The following AK4 variants were observed in gnomAD, a reference collection of about 807,000 sequenced individuals.
The protein encoded by AK4 is adenylate kinase 4, also known as adenylate kinase 4, mitochondrial.
A neutral mutation model predicts 24.6 loss-of-function variants in AK4; 13 were observed. The observed-to-expected ratio is 0.53, with a 90% confidence interval of 0.34 to 0.84. AK4 has a LOEUF of 0.84. Ranked by LOEUF, AK4 falls within the 40% of genes least tolerant of loss-of-function variation. AK4 has a pLI of 0.01. For synonymous variants in AK4, 88 were observed against 107.0 expected (o/e 0.82, Z 1.10); for missense variants, 192 against 288.2 (o/e 0.67, Z 2.42).
chr1:65,153,903 G>A (rs1649884198), intron 1 of AK4, among the ~76,000 whole-genome samples: 1 of 152,176 alleles, frequency 6.6e-6, no homozygotes, highest in Non-Finnish European at 1.5e-5. Context: ...GTGGCAGTAT[G>A]TTTGGAGCCT....
chr1:65,175,193 C>G (rs773068386), intron 1 of AK4, among the ~76,000 whole-genome samples: 1 of 152,190 alleles, frequency 6.6e-6, no homozygotes, highest in Non-Finnish European at 1.5e-5. Context: ...TGTGTTGGCC[C>G]GCTCAGTGGA....
upstream of AK4, chr1:65,148,194 G>C (rs543548043): frequency 1.6e-4 from 168 of 1,018,744 alleles, 2 homozygotes; most frequent in South Asian, 3.0e-3. Context: ...GAGGTGTAGC[G>C]TGGCGCTCAG....
intron 1 of AK4, among the ~76,000 whole-genome samples, chr1:65,155,640 A>G (rs1387940650): frequency 1.4e-5 from 2 of 146,056 alleles, no homozygotes; most frequent in African/African-American, 5.4e-5. Context: ...AGTCACTGCT[A>G]ATACTTTTTT....
At chr1:65,180,582 T>G (rs1650868220) in intron 1 of AK4, among the ~76,000 whole-genome samples, 1 of 152,232 alleles carries the variant, frequency 6.6e-6, no homozygotes, top group Non-Finnish European at 1.5e-5. Flanking sequence ...GGTTTTTTAT[T>G]TTTTAAAGCT....
At chr1:65,201,884 C>T (rs141227003) in intron 2 of AK4, among the ~76,000 whole-genome samples, 1 of 152,248 alleles carries the variant, frequency 6.6e-6, no homozygotes, top group East Asian at 1.9e-4. Context: ...ATTCTGGAAA[C>T]CACAAGTAGT....
At chr1:65,169,885 T>TTGTG (rs147403921) in intron 1 of AK4, among the ~76,000 whole-genome samples, 8 of 151,634 alleles carry the variant, frequency 5.3e-5, no homozygotes, top group East Asian at 1.9e-4. Context: ...TTGTTCGGTT[T>TTGTG]TGTGTGTGTG....
At chr1:65,180,126 A>G (rs1650850727) in intron 1 of AK4, among the ~76,000 whole-genome samples, 1 of 152,100 alleles carries the variant, frequency 6.6e-6, no homozygotes, top group South Asian at 2.1e-4. Flanking sequence ...TCTAAAGCGT[A>G]TGTACTTGAC....
At chr1:65,200,808 T>TA (rs1356065304) in intron 2 of AK4, among the ~76,000 whole-genome samples, 1 of 151,884 alleles carries the variant, frequency 6.6e-6, no homozygotes, top group Non-Finnish European at 1.5e-5. Context: ...GTTTTGTTTT[T>TA]TTTTTTTGAG....
intron 1 of AK4, among the ~76,000 whole-genome samples, chr1:65,188,131 A>G (rs1651164882): frequency 6.6e-6 from 1 of 152,162 alleles, no homozygotes. Flanking sequence ...ATGGTGTCTC[A>G]TGCCTGTAAT....
intron 1 of AK4, among the ~76,000 whole-genome samples, chr1:65,156,694 C>T (rs550228031): frequency 2.7e-4 from 41 of 151,662 alleles, no homozygotes; most frequent in African/African-American, 1.7e-4. Context: ...GAGGCTGAGG[C>T]GGGCAGATCA....
At chr1:65,219,215 T>G (rs1158448686) in intron 3 of AK4, among the ~76,000 whole-genome samples, 1 of 151,490 alleles carries the variant, frequency 6.6e-6, no homozygotes, top group Non-Finnish European at 1.5e-5. Context: ...TATATTTATT[T>G]TATTTAAAAA....
Position 65,227,749 on chromosome 1 carries a change from C to T in AK4, c.*1572C>T, listed in dbSNP as rs1652510382. 6.8e-6 allele frequency: 1 copy of T among 146,908 alleles called. No individual in the cohort carries two copies. The highest frequency in any genetic ancestry group is 1.5e-5 in the Non-Finnish European group (1 of 67,054). The allele number at this position is 146,908 out of a possible 1,614,324, so 9.1% of individuals were successfully genotyped here. A position where few individuals can be genotyped will look rare whatever the true frequency, so the allele number is the denominator to read the frequency against. On this transcript the variant is annotated 3_prime_UTR_variant, in exon 5 of 5. Transcript: ENST00000327299. ...CATTACTTACTTTCTGAAGATGTCC[C>T]AGTGAATCCTCTGTCAATTCACTGC...
intron 1 of AK4, among the ~76,000 whole-genome samples, chr1:65,153,389 C>A (rs1208945232): frequency 6.6e-6 from 1 of 152,148 alleles, no homozygotes; most frequent in Non-Finnish European, 1.5e-5. Context: ...CTTACCTCAG[C>A]CCCTTAAGTA....
chr1:65,168,456 T>G (rs1650405730), intron 1 of AK4, among the ~76,000 whole-genome samples: 1 of 151,940 alleles, frequency 6.6e-6, no homozygotes, highest in African/African-American at 2.4e-5. Flanking sequence ...CTGCATATTC[T>G]TTTTGTTTGT....
chr1:65,169,698 A>T (rs190709043), intron 1 of AK4, among the ~76,000 whole-genome samples: 13 of 152,304 alleles, frequency 8.5e-5, no homozygotes, highest in African/African-American at 3.1e-4. Flanking sequence ...AACATACCAA[A>T]ATTTCAAATA....
intron 1 of AK4, among the ~76,000 whole-genome samples, chr1:65,179,708 G>GC (rs1325083618): frequency 6.6e-6 from 1 of 151,906 alleles, no homozygotes; most frequent in Non-Finnish European, 1.5e-5. Flanking sequence ...GGTGGCATGT[G>GC]CCTGTAGTCT....
chr1:65,190,756 T>G lies in AK4; in HGVS notation c.192T>G (p.Val64=). 1 of 1,614,126 alleles carries G rather than the reference T, an allele frequency of 6.2e-7. No homozygotes were observed. Among genetic ancestry groups the G allele is most frequent in the East Asian group, 2.2e-5 (1 of 44,876 alleles). The change falls in exon 2 of 5, where the codon GTT becomes GTG. Residue 64 remains valine (V), a synonymous_variant. Transcript: ENST00000327299. ...AGTATATAGAGAAAAGTCTTTTGGT[T>G]CCAGACCATGTGATCACACGCCTAA... ...AKQYIEKSLL[V]PDHVITRLMM...
At chr1:65,180,505 T>G (rs1650863451) in intron 1 of AK4, among the ~76,000 whole-genome samples, 1 of 152,238 alleles carries the variant, frequency 6.6e-6, no homozygotes, top group South Asian at 2.1e-4. Flanking sequence ...CCAAAATGCC[T>G]TAAATTTAAG....
chr1:65,164,563 TTC>T (rs1650267031), intron 1 of AK4, among the ~76,000 whole-genome samples: 1 of 152,240 alleles, frequency 6.6e-6, no homozygotes, highest in South Asian at 2.1e-4. Flanking sequence ...TGCATATATC[TTC>T]TTTGGAGAAA....
Sources: gnomAD v4.1 joint callset for allele counts (sites outside exome capture counted in the v4.1 genomes callset) on GRCh38, gnomAD v4.1.1 for gene constraint, MANE v1.5 for transcripts, NCBI Gene and HGNC (gene_info 2026-07-23, HGNC 2026-07-21) for gene names.